The following ANPEP variants were observed in gnomAD, a reference collection of about 807,000 sequenced individuals.
The protein encoded by ANPEP is aminopeptidase N.
Under a neutral mutation model 114.6 loss-of-function variants are expected in ANPEP, and 70 were observed. The ratio of observed to expected loss-of-function variants is 0.61; its 90% CI spans 0.50 to 0.75. The LOEUF is 0.75. Among genes scored for constraint, ANPEP ranks in the 30% least tolerant of loss-of-function variants. ANPEP has a pLI of 0.00. For synonymous variants in ANPEP, 548 were observed against 522.3 expected, an observed-to-expected ratio of 1.05 and a Z score of -0.67; for missense variants, 1,184 against 1,259.5, an observed-to-expected ratio of 0.94 and a Z score of 0.91.
At position 89,803,625 on chromosome 15, in the gene ANPEP, C is replaced by T. The variant is rs780923674; in HGVS notation, c.1437+22G>A. 12 of 1,605,738 alleles carry T rather than the reference C, an allele frequency of 7.5e-6. No individual in the cohort carries two copies. The Admixed American group carries it at 1.3e-4, about 18-fold the overall frequency. On this transcript the variant is annotated intron_variant, in intron 8 of 20. Coordinates refer to ENST00000300060, the MANE Select transcript of ANPEP (RefSeq NM_001150.3). This position sits in a 1 kb window ranked among gnomAD's most constrained non-coding sequence, Gnocchi z 4.2. Reference sequence around the variant, plus strand: ...CCAAGTCCCCACCTCCTTCCCCGTGCCCCACGAGGAGCGGGCTGCACCTTG... The same window carrying T: ...CCAAGTCCCCACCTCCTTCCCCGTGTCCCACGAGGAGCGGGCTGCACCTTG...
chr15:89,785,254 CCTCGGG>C lies in ANPEP; in HGVS notation c.*89_*94del. The C allele has an allele frequency of 6.6e-7, 1 of 1,506,282 alleles. No individual in the cohort carries two copies. Among genetic ancestry groups the C allele is most frequent in the South Asian group, 1.2e-5 (1 of 82,952 alleles). The allele number at this position is 1,506,282 out of a possible 1,614,324, so 93.3% of individuals were successfully genotyped here. A position where few individuals can be genotyped will look rare whatever the true frequency, so the allele number is the denominator to read the frequency against. ...TGTCCTTGAGGGGAGGACACTGGTG[CCTCGGG>C]CTCCAGGAATGGAGGCCCTGCACCA... On this transcript the variant is annotated 3_prime_UTR_variant, in exon 21 of 21. Coordinates refer to ENST00000300060, the MANE Select transcript of ANPEP (RefSeq NM_001150.3).
intron 20 of ANPEP, among the ~76,000 whole-genome samples, chr15:89,785,905 C>T (rs546386422): frequency 6.6e-6 from 1 of 152,180 alleles, no homozygotes; most frequent in Non-Finnish European, 1.5e-5. Flanking sequence ...GAAGAGTTAT[C>T]AGTCCTGGAG....
rs528521543 is a variant in ANPEP at position 89,796,042 on chromosome 15, CCATCTCTACAAAAGATG to C, written c.2157+1516_2157+1532del. 9.0e-4 allele frequency among the ~76,000 whole-genome samples: 137 copies of C among 152,276 alleles called. 1 individual carries two copies. The highest frequency in any genetic ancestry group is 3.2e-3 in the African/African-American group (133 of 41,550). On this transcript the variant is annotated intron_variant, in intron 15 of 20. Coordinates refer to ENST00000300060, the MANE Select transcript of ANPEP (RefSeq NM_001150.3). The stretch of plus-strand genomic sequence containing the variant: ...CCATCCTGGCCAATACAGAAAGATC[CCATCTCTACAAAAGATG>C]CATCTCTACAAAAGAGCATGGTGGT...
At chr15:89,812,048 A>G (rs1340371624) in intron 1 of ANPEP, among the ~76,000 whole-genome samples, 3 of 152,234 alleles carry the variant, frequency 2.0e-5, no homozygotes, top group Admixed American at 1.3e-4. Flanking sequence ...AGTGTGGAAG[A>G]CACCCACACT....
intron 1 of ANPEP, among the ~76,000 whole-genome samples, chr15:89,808,772 C>A (rs1000152961): frequency 6.6e-6 from 1 of 152,186 alleles, no homozygotes; most frequent in African/African-American, 2.4e-5. Flanking sequence ...CCCCTGCCAC[C>A]CCTGCCACCC....
In ANPEP at chr15:89,799,140, C is replaced by G. The variant is rs765753873; in HGVS notation, c.2009+120G>C. On this transcript the variant is annotated intron_variant, in intron 14 of 20. Transcript: ENST00000300060. This position sits in a 1 kb window ranked among gnomAD's most constrained non-coding sequence, Gnocchi z 4.2. ...GAGGGACGTCCAGGGAGCACAGGAG[C>G]TCAGGGCACAGCACGTGGCATATGG... 5 of 1,160,640 alleles carry G rather than the reference C, an allele frequency of 4.3e-6. No individual in the cohort carries two copies. The highest frequency in any genetic ancestry group is 6.3e-6 in the Non-Finnish European group (5 of 790,228). 71.9% of individuals were successfully genotyped at this position (1,160,640 alleles called of 1,614,324 possible).
At chr15:89,801,831 G>T (rs1596167027) in intron 10 of ANPEP, among the ~76,000 whole-genome samples, 1 of 152,314 alleles carries the variant, frequency 6.6e-6, no homozygotes, top group East Asian at 1.9e-4. Context: ...AATCTATGAG[G>T]CCCTCCATTC....
At chr15:89,809,562 G>A (rs1309855534) in intron 1 of ANPEP, among the ~76,000 whole-genome samples, 1 of 152,148 alleles carries the variant, frequency 6.6e-6, no homozygotes, top group Non-Finnish European at 1.5e-5. Flanking sequence ...AGACAGCCAT[G>A]CTCTGCAGCC....
intron 16 of ANPEP, 102 bp downstream of exon 16, chr15:89,792,933 G>A: frequency 9.5e-7 from 1 of 1,049,596 alleles, no homozygotes; most frequent in Non-Finnish European, 1.5e-6. Flanking sequence ...TCCCTGCCTG[G>A]TGCCCCCGCA....
Position 89,805,473 on chromosome 15 carries a change from C to T in ANPEP, c.615-10G>A. On this transcript the variant is annotated splice_polypyrimidine_tract_variant and intron_variant, in intron 2 of 20. Transcript: ENST00000300060. ...TGTAGTGGCCACCACCCTGCCCCAA[C>T]AGGAAGGTTAGAGGGTGTGCCAGAG... 1 of 1,613,864 alleles carries T rather than the reference C, an allele frequency of 6.2e-7. No individual in the cohort carries two copies. Among genetic ancestry groups the T allele is most frequent in the Non-Finnish European group, 8.5e-7 (1 of 1,179,916 alleles).
intron 16 of ANPEP, 80 bp downstream of exon 16, chr15:89,792,955 G>T: frequency 2.4e-6 from 3 of 1,246,788 alleles, no homozygotes; most frequent in South Asian, 1.3e-5. Flanking sequence ...TGAGAGCTGC[G>T]GCAGAGAACA....
At chr15:89,813,072 C>T (rs979966001) in intron 1 of ANPEP, among the ~76,000 whole-genome samples, 5 of 152,186 alleles carry the variant, frequency 3.3e-5, no homozygotes, top group Non-Finnish European at 5.9e-5. Context: ...TGACAGGCAC[C>T]CGGGGTGAAG....
At chr15:89,807,571 G>A (rs374110948) in intron 1 of ANPEP, among the ~76,000 whole-genome samples, 13 of 152,106 alleles carry the variant, frequency 8.5e-5, no homozygotes, top group Non-Finnish European at 1.8e-4. Context: ...GCGTGGTGGC[G>A]GGCGTCTGTA....
chr15:89,801,445 A>C lies in ANPEP; in HGVS notation c.1732T>G (p.Ser578Ala), dbSNP rs376697775. 5.6e-6 allele frequency: 9 copies of C among 1,613,776 alleles called. No homozygotes were observed. The highest frequency in any genetic ancestry group is 6.8e-6 in the Non-Finnish European group (8 of 1,179,952). ...ACCCCATCTGCTCACTTGAATTCTG[A>C]GGGGCGGGTAACATTGGAATCGGGG... ...LDPDSNVTRPSEFNYVWIVPI... is the reference protein window; with the variant it reads ...LDPDSNVTRPAEFNYVWIVPI... Residue 578 changes from serine (S) to alanine (A), a missense_variant, in exon 11 of 21, where the codon TCA becomes GCA. Coordinates refer to ENST00000300060, the MANE Select transcript of ANPEP (RefSeq NM_001150.3).
intron 11 of ANPEP, 99 bp downstream of exon 11, chr15:89,801,336 T>G: frequency 6.4e-7 from 1 of 1,555,230 alleles, no homozygotes; most frequent in Non-Finnish European, 8.8e-7. Context: ...CTACAGTGGC[T>G]GGGGCTGGGA....
rs1411125498 is a variant in ANPEP at position 89,805,042 on chromosome 15, AG to A, written c.897+35del. The A allele has an allele frequency of 2.5e-6, 4 of 1,613,064 alleles. No homozygotes were observed. In the South Asian group the frequency reaches 4.4e-5, roughly 18 times the overall value. On this transcript the variant is annotated intron_variant, in intron 4 of 20. Transcript: ENST00000300060. ...CGGGAAGACCCCTCAAGCCGGGGCC[AG>A]CCCACGTGAAGGAGAGATGGGCCCA...
At chr15:89,813,999 G>GGT (rs1555442966) in intron 1 of ANPEP, among the ~76,000 whole-genome samples, 3 of 151,132 alleles carry the variant, frequency 2.0e-5, no homozygotes, top group African/African-American at 7.4e-5. Flanking sequence ...GCTGGGGGGG[G>GGT]GGGGTGCGTT....
chr15:89,796,465 A>G (rs182995381), intron 15 of ANPEP, among the ~76,000 whole-genome samples: 1 of 151,626 alleles, frequency 6.6e-6, no homozygotes, highest in East Asian at 1.9e-4. Context: ...ACCATAATGG[A>G]TATTAACAGA....
intron 1 of ANPEP, among the ~76,000 whole-genome samples, chr15:89,811,627 C>T (rs2141817359): frequency 7.2e-6 from 1 of 139,408 alleles, no homozygotes; most frequent in East Asian, 2.1e-4. Flanking sequence ...GCCTGGGCGA[C>T]AGAGTGAGAC....
Sources: gnomAD v4.1 joint callset for allele counts (sites outside exome capture counted in the v4.1 genomes callset) on GRCh38, gnomAD v4.1.1 for gene constraint, Gnocchi (gnomAD v3.1) non-coding constraint, MANE v1.5 for transcripts, NCBI Gene and HGNC (gene_info 2026-07-23, HGNC 2026-07-21) for gene names.